The following RC3H2 variants were observed in gnomAD, a reference collection of about 807,000 sequenced individuals.
The protein encoded by RC3H2 is roquin-2.
Under a neutral mutation model 133.3 loss-of-function variants are expected in RC3H2, and 31 were observed. The observed-to-expected ratio is 0.23, with a 90% CI of 0.17 to 0.31. The LOEUF (loss-of-function observed/expected upper bound fraction) is 0.31. Ranked by LOEUF, RC3H2 falls within the 10% of genes least tolerant of loss-of-function variation. RC3H2 has a pLI of 1.00. For missense variants in RC3H2, 1,175 were observed against 1,437.2 expected (o/e 0.82, Z 2.95); for synonymous variants, 517 against 502.2 (o/e 1.03, Z -0.40).
intron 10 of RC3H2, among the ~76,000 whole-genome samples, chr9:122,861,715 T>C (rs777610455): frequency 7.2e-5 from 11 of 152,224 alleles, no homozygotes; most frequent in Non-Finnish European, 1.3e-4. Flanking sequence ...TTCCTCAAAT[T>C]AGAACAATCA....
intron 9 of RC3H2, among the ~76,000 whole-genome samples, chr9:122,871,510 G>A (rs545306752): frequency 6.6e-6 from 1 of 151,340 alleles, no homozygotes; most frequent in African/African-American, 2.4e-5. Flanking sequence ...TGTTAGTGGG[G>A]GGGGGGGTTT....
chr9:122,901,161 T>A (rs1194145379), intron 1 of RC3H2, among the ~76,000 whole-genome samples: 1 of 152,248 alleles, frequency 6.6e-6, no homozygotes, highest in Non-Finnish European at 1.5e-5. Flanking sequence ...GTATACATCA[T>A]TTTACAATTC....
At chr9:122,878,315 G>T (rs1831430700) in intron 8 of RC3H2, among the ~76,000 whole-genome samples, 2 of 151,984 alleles carry the variant, frequency 1.3e-5, no homozygotes, top group South Asian at 4.2e-4. Context: ...TGCCCAGGCT[G>T]GAGTGCAGTG....
At chr9:122,857,170 T>G (rs1830280916) in intron 13 of RC3H2, among the ~76,000 whole-genome samples, 1 of 152,228 alleles carries the variant, frequency 6.6e-6, no homozygotes, top group Non-Finnish European at 1.5e-5. Flanking sequence ...TATCATATTA[T>G]TCTCTCTATA....
chr9:122,898,267 A>G (rs921453864), intron 1 of RC3H2, among the ~76,000 whole-genome samples: 66 of 152,210 alleles, frequency 4.3e-4, no homozygotes, highest in African/African-American at 1.5e-3. Flanking sequence ...AATATCTTGT[A>G]TTGTTCAATA....
chr9:122,853,588 C>T (rs1259409269), intron 18 of RC3H2, among the ~76,000 whole-genome samples: 1 of 151,986 alleles, frequency 6.6e-6, no homozygotes, highest in Non-Finnish European at 1.5e-5. Context: ...CCTGTCTCTA[C>T]TAAAAACACA....
intron 1 of RC3H2, among the ~76,000 whole-genome samples, chr9:122,899,411 AAC>A (rs1158963739): frequency 3.3e-5 from 5 of 152,058 alleles, no homozygotes; most frequent in African/African-American, 1.2e-4. Context: ...TATTCACAAA[AAC>A]AGAGATTAAA....
intron 4 of RC3H2, among the ~76,000 whole-genome samples, chr9:122,886,343 G>C (rs1831913423): frequency 6.6e-6 from 1 of 151,980 alleles, no homozygotes; most frequent in South Asian, 2.1e-4. Context: ...TTTGACTATT[G>C]TGAATAACGC....
intron 1 of RC3H2, among the ~76,000 whole-genome samples, chr9:122,902,206 C>T (rs1832683510): frequency 6.6e-6 from 1 of 152,194 alleles, no homozygotes; most frequent in Non-Finnish European, 1.5e-5. Context: ...GCTGGGATTA[C>T]AGGCGTGAGC....
intron 9 of RC3H2, among the ~76,000 whole-genome samples, chr9:122,867,757 C>T (rs955550010): frequency 1.9e-5 from 2 of 103,562 alleles, no homozygotes; most frequent in East Asian, 2.3e-4. Flanking sequence ...CCAGCCGCCC[C>T]GTCTGAGAAG....
intron 20 of RC3H2, among the ~76,000 whole-genome samples, chr9:122,850,435 T>TAGATAGATAGATAGATAG (rs1554766976): frequency 2.0e-5 from 3 of 149,978 alleles, no homozygotes; most frequent in East Asian, 4.0e-4. Flanking sequence ...GCTATCTATC[T>TAGATAGATAGATAGATAG]ATAGATAGAT....
Position 122,855,118 on chromosome 9 carries a change from A to T in RC3H2, c.2815+66T>A, listed in dbSNP as rs1381665381. 26 of 274,222 alleles carry T rather than the reference A, an allele frequency of 9.5e-5. No homozygotes were observed. In the East Asian group the frequency reaches 0.013, roughly 139 times the overall value. 17.0% of individuals were successfully genotyped at this position (274,222 alleles called of 1,614,324 possible). Reference sequence around the variant, plus strand: ...ACAGAGTGAGACTCTGTCTCAATTAAAAAAAAAAAAAAAAAAGGCATAGTG... The same window carrying T: ...ACAGAGTGAGACTCTGTCTCAATTATAAAAAAAAAAAAAAAAGGCATAGTG... On this transcript the variant is annotated intron_variant, in intron 15 of 20. Coordinates refer to ENST00000357244, the MANE Select transcript of RC3H2 (RefSeq NM_001100588.3).
chr9:122,877,691 T>A (rs1431473299), intron 8 of RC3H2, 108 bp from the exon 9 acceptor site: 2 of 785,030 alleles, frequency 2.5e-6, no homozygotes, highest in Admixed American at 4.5e-5. Flanking sequence ...CTTTTTCACA[T>A]TAGACAAGTA....
intron 3 of RC3H2, among the ~76,000 whole-genome samples, chr9:122,891,012 A>ATTTTTTTTTTTTTTTTTTTTT (rs10571749): frequency 1.4e-5 from 1 of 72,824 alleles, no homozygotes. Context: ...AATCTGCCCC[A>ATTTTTTTTTTTTTTTTTTTTT]TTTTTTTTTT....
intron 10 of RC3H2, among the ~76,000 whole-genome samples, chr9:122,863,329 G>C (rs1271010875): frequency 1.3e-5 from 2 of 152,092 alleles, no homozygotes; most frequent in Non-Finnish European, 1.5e-5. Context: ...ATCTTCAAAA[G>C]CTTATTTCCT....
Position 122,883,393 on chromosome 9 carries a change from A to G in RC3H2, c.584-14T>C. ...CTTCTTGCATAGCTAAAAATATTAA[A>G]GGAACATGAGTTCATGACAAATGAG... is the stretch of plus-strand genomic sequence containing the variant. On this transcript the variant is annotated splice_polypyrimidine_tract_variant and intron_variant, in intron 4 of 20. Coordinates refer to ENST00000357244, the MANE Select transcript of RC3H2 (RefSeq NM_001100588.3). 6.3e-7 allele frequency: 1 copy of G among 1,579,612 alleles called. No individual in the cohort carries two copies. The highest frequency in any genetic ancestry group is 8.6e-7 in the Non-Finnish European group (1 of 1,166,764).
At chr9:122,868,844 TG>T (rs1830898362) in intron 9 of RC3H2, among the ~76,000 whole-genome samples, 1 of 862 alleles carries the variant, frequency 1.2e-3, no homozygotes, top group Non-Finnish European at 5.9e-3. Flanking sequence ...CCTATATGTG[TG>T]TGTGTGTGTG....
rs1479034751 is a variant in RC3H2, at chr9:122,862,415, G to T, written c.1635-2284C>A. Among the ~76,000 whole-genome samples, 3 of 152,086 alleles carry T rather than the reference G, an allele frequency of 2.0e-5. No homozygotes were observed. The South Asian group carries it at 6.2e-4, about 32-fold the overall frequency. ...CTCTCACACCTTATTCATTTTGCCT[G>T]TGCTGCCTTCTCCATCCACAAGGCC... On this transcript the variant is annotated intron_variant, in intron 10 of 20. Transcript: ENST00000357244.
Position 122,851,410 on chromosome 9 carries a change from T to A in RC3H2, c.3144A>T (p.Ala1048=). Residue 1048 remains alanine (A), a synonymous_variant, in exon 19 of 21, where the codon GCA becomes GCT. Transcript: ENST00000357244. ...GELQSDYTED[A]TDTKPDRDIE... is the part of the protein sequence containing the mutation. ...TATCCCTATCAGGTTTAGTATCTGT[T>A]GCATCTTCTGTATAATCACTCTGTA... is the stretch of plus-strand genomic sequence containing the variant. The A allele has an allele frequency of 6.2e-7, 1 of 1,614,170 alleles. No individual in the cohort carries two copies. The highest frequency in any genetic ancestry group is 8.5e-7 in the Non-Finnish European group (1 of 1,180,030).
Sources: gnomAD v4.1 joint callset for allele counts (sites outside exome capture counted in the v4.1 genomes callset) on GRCh38, gnomAD v4.1.1 for gene constraint, MANE v1.5 for transcripts, NCBI Gene and HGNC (gene_info 2026-07-23, HGNC 2026-07-21) for gene names.